IFT70A: variants seen among roughly 807,000 people sequenced by gnomAD.
The protein encoded by IFT70A is intraflagellar transport protein 70A.
chr2:177,618,065 C>T, the IFT70A span: 2 of 1,614,220 alleles, frequency 1.2e-6, no homozygotes, highest in South Asian at 2.2e-5. Context: ...TCAATAATCT[C>T]AGCGATATGC....
chr2:177,618,012 G>C, the IFT70A span: 1 of 1,614,242 alleles, frequency 6.2e-7, no homozygotes, highest in Non-Finnish European at 8.5e-7. Context: ...AGCCCTCGGT[G>C]GTCATGCCCA....
At chr2:177,616,714 C>T in the IFT70A span, 1 of 1,517,492 alleles carries the variant, frequency 6.6e-7, no homozygotes, top group Non-Finnish European at 8.8e-7. Flanking sequence ...CTACTTATTC[C>T]ATCCTATAAT....
At chr2:177,617,590 G>C in the IFT70A span, 1 of 1,614,214 alleles carries the variant, frequency 6.2e-7, no homozygotes, top group Non-Finnish European at 8.5e-7. Flanking sequence ...CTCTTCAGGA[G>C]CTGTCTGGCA....
the IFT70A span, chr2:177,617,998 T>C: frequency 3.1e-6 from 5 of 1,614,158 alleles, no homozygotes; most frequent in Admixed American, 5.0e-5. Flanking sequence ...ACTGCGAACA[T>C]CAAAGCCCTC....
chr2:177,615,798 TTC>T, the IFT70A span: 1 of 152,142 alleles, frequency 6.6e-6, no homozygotes, highest in African/African-American at 2.4e-5. Context: ...ATAAAGGAAT[TTC>T]TGACAGCCTA....
the IFT70A span, chr2:177,615,877 AAAAAATT>A: frequency 3.3e-5 from 5 of 152,086 alleles, no homozygotes; most frequent in South Asian, 2.1e-4. Context: ...ATTTTTTCCT[AAAAAATT>A]AAAAAGTAAA....
At chr2:177,618,457 C>G in the IFT70A span, 1 of 1,597,848 alleles carries the variant, frequency 6.3e-7, no homozygotes, top group South Asian at 1.1e-5. Flanking sequence ...CTGGTACAGG[C>G]GGTACTGCTC....
At chr2:177,618,579 G>C in the IFT70A span, 3 of 1,601,180 alleles carry the variant, frequency 1.9e-6, no homozygotes, top group Non-Finnish European at 2.6e-6. Context: ...GGCTCCTGGG[G>C]CTCCGCTGCA....
chr2:177,617,906 TTC>T, the IFT70A span: 7 of 1,614,178 alleles, frequency 4.3e-6, no homozygotes, highest in East Asian at 1.6e-4. Flanking sequence ...ACCTCATAGT[TTC>T]TCAGTTGGTA....
At chr2:177,618,199 C>A in the IFT70A span, 1 of 1,614,134 alleles carries the variant, frequency 6.2e-7, no homozygotes, top group African/African-American at 1.3e-5. Flanking sequence ...TTCATACTGT[C>A]CCTCCTTGTA....
chr2:177,617,115 C>T, the IFT70A span: 3 of 1,609,756 alleles, frequency 1.9e-6, no homozygotes, highest in Non-Finnish European at 2.5e-6. Context: ...AAGAGAGCTG[C>T]TCTTCCTCCT....
chr2:177,618,138 A>G, the IFT70A span: 1 of 1,614,266 alleles, frequency 6.2e-7, no homozygotes. Flanking sequence ...AGGAAAGGTC[A>G]GGCTGGTAGC....
At chr2:177,617,504 C>T in the IFT70A span, 3 of 1,614,200 alleles carry the variant, frequency 1.9e-6, no homozygotes, top group Admixed American at 1.7e-5. Flanking sequence ...TTGTGTCTTG[C>T]TTCCTGTACT....
chr2:177,617,460 A>G, the IFT70A span: 1 of 1,613,608 alleles, frequency 6.2e-7, no homozygotes, highest in Non-Finnish European at 8.5e-7. Flanking sequence ...CATCATATTC[A>G]TTCACTGCCT....
At chr2:177,617,753 G>T in the IFT70A span, 2 of 1,614,076 alleles carry the variant, frequency 1.2e-6, no homozygotes, top group Non-Finnish European at 1.7e-6. Context: ...GGAGGAAAGG[G>T]ATTCTGTTGG....
At chr2:177,618,650 C>G in the IFT70A span, 4 of 1,607,304 alleles carry the variant, frequency 2.5e-6, no homozygotes, top group Non-Finnish European at 3.4e-6. Context: ...AGCCGGTACA[C>G]TAGCGCGGTA....
the IFT70A span, chr2:177,614,615 C>A: frequency 3.0e-4 from 46 of 152,148 alleles, no homozygotes; most frequent in Non-Finnish European, 6.3e-4. Flanking sequence ...AGTGCTCACT[C>A]ACTTGACACT....
the IFT70A span, chr2:177,618,629 C>A: frequency 1.9e-6 from 3 of 1,609,716 alleles, no homozygotes; most frequent in Admixed American, 1.7e-5. Flanking sequence ...GCGTAGCGGG[C>A]ATCGCGGATG....
the IFT70A span, chr2:177,616,691 C>G: frequency 4.1e-6 from 6 of 1,455,612 alleles, no homozygotes; most frequent in Non-Finnish European, 5.4e-6. Flanking sequence ...AAAAAAGCCA[C>G]TATCAGTCAT....
Sources: allele counts gnomAD v4.1 joint callset, GRCh38; gene constraint gnomAD v4.1.1; transcripts MANE v1.5; gene names NCBI Gene and HGNC (gene_info 2026-07-23, HGNC 2026-07-21).